ULK4: variants seen among roughly 807,000 people sequenced by gnomAD.
ULK4 encodes the protein inactive serine/threonine-protein kinase ULK4.
In ULK4, 133 loss-of-function variants were observed where a neutral mutation model predicts 160.6. The observed-to-expected ratio is 0.83, with a 90% CI of 0.72 to 0.96. The LOEUF (loss-of-function observed/expected upper bound fraction) is 0.96, where lower values mean the gene tolerates loss of function less well. ULK4 is among the 40% of genes least tolerant of loss of function. The pLI is 0.00. For synonymous variants in ULK4, 534 were observed against 539.8 expected (o/e 0.99, Z 0.15); for missense variants, 1,580 against 1,499.5 (o/e 1.05, Z -0.89).
At chr3:41,675,094 G>A (rs928413914) in intron 29 of ULK4, among the ~76,000 whole-genome samples, 4 of 152,024 alleles carry the variant, frequency 2.6e-5, no homozygotes, top group African/African-American at 7.3e-5. Context: ...ACAAAAATTA[G>A]CTGGGCATGG....
At position 41,338,725 on chromosome 3, in the gene ULK4, A is replaced by G. The variant is rs527631842; in HGVS notation, c.3678+59354T>C. Among the ~76,000 whole-genome samples the G allele has an allele frequency of 3.0e-4, 45 of 151,850 alleles. 2 individuals carry two copies. The South Asian group carries it at 7.1e-3, about 24-fold the overall frequency. On this transcript the variant is annotated intron_variant, in intron 35 of 36. Transcript: ENST00000301831. The stretch of plus-strand genomic sequence containing the variant: ...CTAGTAGGATAATGTGCACATATAT[A>G]TGTGTGTGTGTGTATAATACATCTA...
At chr3:41,794,683 A>AAAAAAAAAAAAAAAAAAC (rs1559557491) in intron 20 of ULK4, among the ~76,000 whole-genome samples, 1 of 126,802 alleles carries the variant, frequency 7.9e-6, no homozygotes, top group Non-Finnish European at 1.6e-5. Flanking sequence ...AAAAAAAAAA[A>AAAAAAAAAAAAAAAAAAC]AAACACAGAA....
chr3:41,483,252 T>C (rs2084390960), intron 32 of ULK4, among the ~76,000 whole-genome samples: 1 of 152,194 alleles, frequency 6.6e-6, no homozygotes, highest in African/African-American at 2.4e-5. Flanking sequence ...CAAAAATAAG[T>C]GAGAACATGT....
At chr3:41,934,983 A>C (rs1260354955) in intron 4 of ULK4, among the ~76,000 whole-genome samples, 4 of 151,652 alleles carry the variant, frequency 2.6e-5, no homozygotes, top group African/African-American at 9.7e-5. Context: ...TAGGCAGCTA[A>C]AATACTGTAC....
chr3:41,344,297 C>T (rs1010677045), intron 35 of ULK4, among the ~76,000 whole-genome samples: 2 of 152,124 alleles, frequency 1.3e-5, no homozygotes, highest in Admixed American at 1.3e-4. Context: ...AAAACTGGAC[C>T]TTTTCCTTAC....
chr3:41,546,535 G>A (rs2086868660), intron 32 of ULK4, among the ~76,000 whole-genome samples: 1 of 152,050 alleles, frequency 6.6e-6, no homozygotes. Context: ...CCCCACATCT[G>A]TGAGGCCTAA....
intron 21 of ULK4, among the ~76,000 whole-genome samples, chr3:41,772,344 G>C (rs2039421216): frequency 6.6e-6 from 1 of 151,930 alleles, no homozygotes; most frequent in African/African-American, 2.4e-5. Flanking sequence ...AAGAAGAAAA[G>C]AGAGAAGAAT....
chr3:41,281,574 G>T (rs1047767546), intron 35 of ULK4, among the ~76,000 whole-genome samples: 1 of 152,156 alleles, frequency 6.6e-6, no homozygotes, highest in African/African-American at 2.4e-5. Context: ...ATTAGAGGCA[G>T]AAAAGCCCTT....
intron 19 of ULK4, among the ~76,000 whole-genome samples, chr3:41,812,746 C>T (rs1217491631): frequency 4.6e-5 from 7 of 152,212 alleles, no homozygotes; most frequent in Non-Finnish European, 8.8e-5. Context: ...TTGCTTTGCC[C>T]TTCAAGTTTG....
chr3:41,894,338 A>G (rs1393039219), intron 16 of ULK4, among the ~76,000 whole-genome samples: 1 of 152,228 alleles, frequency 6.6e-6, no homozygotes, highest in East Asian at 1.9e-4. Context: ...ACCAGATTTT[A>G]CTTTGGGAGA....
chr3:41,846,691 G>C (rs543289615), intron 17 of ULK4, among the ~76,000 whole-genome samples: 2 of 151,948 alleles, frequency 1.3e-5, no homozygotes, highest in East Asian at 1.9e-4. Flanking sequence ...TGTAGTCCCA[G>C]CTACTGGGGA....
intron 5 of ULK4, among the ~76,000 whole-genome samples, chr3:41,925,753 C>A (rs1457660313): frequency 6.6e-6 from 1 of 151,998 alleles, no homozygotes; most frequent in Non-Finnish European, 1.5e-5. Context: ...CTTGAGTAGG[C>A]GGTTTTACCC....
rs1575934655 is a variant in ULK4 at position 41,911,620 on chromosome 3, C to G, written c.936G>C (p.Lys312Asn). 1.2e-6 allele frequency: 2 copies of G among 1,613,924 alleles called. No individual in the cohort carries two copies. The highest frequency in any genetic ancestry group is 4.5e-5 in the East Asian group (2 of 44,866). The change falls in exon 10 of 37, where the codon AAG becomes AAC. Residue 312 changes from lysine (K) to asparagine (N), a missense_variant. Coordinates refer to ENST00000301831, the MANE Select transcript of ULK4 (RefSeq NM_017886.4). ...TMECSGPQDS[K>N]ELLQNSQSRQ... ...TACTCTGAGAGTTCTGCAAAAGCTC[C>G]TTGGAATCTTGTGGCCCAGAACACT...
At chr3:41,760,164 C>T (rs1026962803) in intron 21 of ULK4, among the ~76,000 whole-genome samples, 1 of 151,902 alleles carries the variant, frequency 6.6e-6, no homozygotes, top group African/African-American at 2.4e-5. Flanking sequence ...ATGTATCTGT[C>T]GAATAGATGC....
chr3:41,602,190 T>C (rs1042155795), intron 31 of ULK4, among the ~76,000 whole-genome samples: 1 of 146,692 alleles, frequency 6.8e-6, no homozygotes, highest in Non-Finnish European at 1.5e-5. Flanking sequence ...CAAGACTCTG[T>C]CTGTAAGAAA....
Position 41,744,758 on chromosome 3 carries a change from T to C in ULK4, c.2321+9603A>G, listed in dbSNP as rs80300814. ...AACATCCCCAACAAGCAGCAGAATG[T>C]ACATGCTTTTCAAGCGCCCTGTACC... is the stretch of plus-strand genomic sequence containing the variant. On this transcript the variant is annotated intron_variant, in intron 22 of 36. Coordinates refer to ENST00000301831, the MANE Select transcript of ULK4 (RefSeq NM_017886.4). Among the ~76,000 whole-genome samples the C allele has an allele frequency of 6.8e-3, 1,039 of 151,906 alleles. 45 individuals carry two copies. The East Asian group carries it at 0.12, about 18-fold the overall frequency.
intron 35 of ULK4, among the ~76,000 whole-genome samples, chr3:41,355,879 T>G (rs1371739598): frequency 6.6e-6 from 1 of 152,220 alleles, no homozygotes; most frequent in Non-Finnish European, 1.5e-5. Context: ...TTTATTTCAT[T>G]ACTGGATATG....
chr3:41,854,283 C>T (rs2042283280), intron 17 of ULK4: 2 of 152,232 alleles, frequency 1.3e-5, no homozygotes, highest in Admixed American at 6.6e-5. Flanking sequence ...TCTTACGTGA[C>T]CCTGGGAGAC....
At chr3:41,359,423 G>A (rs1277236282) in intron 35 of ULK4, among the ~76,000 whole-genome samples, 1 of 152,228 alleles carries the variant, frequency 6.6e-6, no homozygotes, top group African/African-American at 2.4e-5. Context: ...GCACTGCAAC[G>A]TTTAGAGACA....
Sources: gnomAD v4.1 joint callset for allele counts (sites outside exome capture counted in the v4.1 genomes callset) on GRCh38, gnomAD v4.1.1 for gene constraint, MANE v1.5 for transcripts, NCBI Gene and HGNC (gene_info 2026-07-23, HGNC 2026-07-21) for gene names.